Variants in AGBL1 observed in about 807,000 individuals in gnomAD.
The protein encoded by AGBL1 is AGBL carboxypeptidase 1.
AGBL1 carries 130 observed loss-of-function variants against 118.9 expected under a neutral mutation model. The observed-to-expected ratio is 1.09, with a 90% CI of 0.95 to 1.26. The LOEUF is 1.26. AGBL1 is among the 50% of genes most tolerant of loss of function. AGBL1 has a pLI of 0.00. For synonymous variants in AGBL1, 555 were observed against 478.9 expected, an observed-to-expected ratio of 1.16 and a Z score of -2.08; for missense variants, 1,584 against 1,298.1, an observed-to-expected ratio of 1.22 and a Z score of -3.38.
chr15:86,886,598 C>A (rs542744534), intron 22 of AGBL1, among the ~76,000 whole-genome samples: 1 of 152,156 alleles, frequency 6.6e-6, no homozygotes, highest in Non-Finnish European at 1.5e-5. Flanking sequence ...TCTCTGGCTT[C>A]TAAGGGACCA....
At chr15:86,529,522 G>A (rs2083319017) in intron 19 of AGBL1, among the ~76,000 whole-genome samples, 1 of 133,042 alleles carries the variant, frequency 7.5e-6, no homozygotes, top group Non-Finnish European at 1.5e-5. Flanking sequence ...GAACCAAATT[G>A]GAAAACACTC....
chr15:86,208,948 C>T (rs1040192013), intron 5 of AGBL1, among the ~76,000 whole-genome samples: 1 of 152,184 alleles, frequency 6.6e-6, no homozygotes, highest in African/African-American at 2.4e-5. Context: ...CTCTTGTGGG[C>T]ATTTAGTGCT....
intron 1 of AGBL1, among the ~76,000 whole-genome samples, chr15:86,117,055 T>C (rs1897810433): frequency 6.6e-6 from 1 of 152,002 alleles, no homozygotes; most frequent in Admixed American, 6.6e-5. Flanking sequence ...CCTGTGTGAT[T>C]GTATTCATTA....
Position 86,262,804 on chromosome 15 carries a change from C to G in AGBL1, c.996C>G (p.Asn332Lys). The G allele has an allele frequency of 6.2e-7, 1 of 1,609,508 alleles. No individual in the cohort carries two copies. The highest frequency in any genetic ancestry group is 1.1e-5 in the South Asian group (1 of 89,728). Residue 332 changes from asparagine to lysine, a missense_variant, in exon 10 of 23, where the codon AAC becomes AAG. By Grantham distance (94) the Asn-to-Lys change is moderately conservative. Transcript: ENST00000614907. Reference protein sequence around the residue: ...VEDDDLETDVNKLSSKPGLDR... With the variant: ...VEDDDLETDVKKLSSKPGLDR... ...ATGATGACTTGGAAACAGACGTGAACAAGCTGAGTTCCAAACCTGGTCTTG... is the reference window on the plus strand; with the variant it reads ...ATGATGACTTGGAAACAGACGTGAAGAAGCTGAGTTCCAAACCTGGTCTTG...
rs143671524 is a variant in AGBL1 at position 86,139,989 on chromosome 15, G to A, written c.52-2015G>A. 7.4e-5 allele frequency: 12 copies of A among 162,232 alleles called. No individual in the cohort carries two copies. In the East Asian group the frequency reaches 2.0e-3, roughly 27 times the overall value. 10.0% of individuals were successfully genotyped at this position (162,232 alleles called of 1,614,324 possible). On this transcript the variant is annotated intron_variant, in intron 1 of 22. Coordinates refer to ENST00000614907, the MANE Select transcript of AGBL1 (RefSeq NM_001386094.1). ...TGGGGACAATCTCCTCCACCTTCAT[G>A]ATCTAAATGGGTGGGCGGGACATGA...
chr15:86,533,407 A>C (rs2083377572), intron 19 of AGBL1, among the ~76,000 whole-genome samples: 1 of 105,636 alleles, frequency 9.5e-6, no homozygotes, highest in African/African-American at 4.7e-5. Flanking sequence ...CAAAACCACT[A>C]TGAGATACCA....
At chr15:86,223,580 T>A (rs1028883696) in intron 5 of AGBL1, among the ~76,000 whole-genome samples, 2 of 152,298 alleles carry the variant, frequency 1.3e-5, no homozygotes, top group African/African-American at 2.4e-5. Context: ...TGAAAGTTGA[T>A]AAGAGGAAAA....
At chr15:86,203,944 AC>A (rs1386029557) in intron 5 of AGBL1, among the ~76,000 whole-genome samples, 7 of 152,356 alleles carry the variant, frequency 4.6e-5, no homozygotes, top group African/African-American at 1.7e-4. Flanking sequence ...GGAAAAAGCA[AC>A]AAAACTGAAA....
chr15:86,828,396 C>T (rs1237759480), intron 22 of AGBL1, among the ~76,000 whole-genome samples: 3 of 145,546 alleles, frequency 2.1e-5, no homozygotes, highest in Admixed American at 6.8e-5. Context: ...AGTGTAGAAT[C>T]TCGAGATGGG....
chr15:86,357,348 T>G (rs996300944), intron 17 of AGBL1, among the ~76,000 whole-genome samples: 2 of 152,214 alleles, frequency 1.3e-5, no homozygotes, highest in Non-Finnish European at 2.9e-5. Context: ...CAAAACTGAA[T>G]GATCATTTGC....
intron 3 of AGBL1, among the ~76,000 whole-genome samples, chr15:86,154,222 A>G (rs1336322338): frequency 6.6e-6 from 1 of 152,230 alleles, no homozygotes; most frequent in Non-Finnish European, 1.5e-5. Flanking sequence ...ACAAGCTTCC[A>G]TGTAAATATG....
intron 5 of AGBL1, among the ~76,000 whole-genome samples, chr15:86,208,054 C>T (rs1419626063): frequency 3.3e-5 from 5 of 151,840 alleles, no homozygotes; most frequent in Non-Finnish European, 7.4e-5. Flanking sequence ...TGTTGAAGGC[C>T]TTTTCTGCAA....
At chr15:86,226,450 A>T (rs1293779379) in intron 6 of AGBL1, among the ~76,000 whole-genome samples, 3 of 152,208 alleles carry the variant, frequency 2.0e-5, no homozygotes, top group Non-Finnish European at 4.4e-5. Context: ...AAGGGAGCCC[A>T]GAGAGCTGAG....
chr15:86,982,571 T>A (rs931807601), intron 23 of AGBL1, among the ~76,000 whole-genome samples: 2 of 152,168 alleles, frequency 1.3e-5, no homozygotes, highest in Non-Finnish European at 2.9e-5. Context: ...CCTGCCTCTG[T>A]CATCCCTAAG....
At chr15:86,933,729 G>A (rs549169851) in intron 23 of AGBL1, among the ~76,000 whole-genome samples, 5 of 152,122 alleles carry the variant, frequency 3.3e-5, no homozygotes, top group Non-Finnish European at 7.3e-5. Flanking sequence ...CGTGTATCCG[G>A]TTCCTTCAAA....
At chr15:86,934,313 G>T (rs1191405095) in intron 23 of AGBL1, among the ~76,000 whole-genome samples, 4 of 152,144 alleles carry the variant, frequency 2.6e-5, no homozygotes, top group African/African-American at 9.7e-5. Context: ...TAAGTGTCCA[G>T]AAAGCTGTTA....
At chr15:86,778,476 C>T (rs1020399436) in intron 22 of AGBL1, among the ~76,000 whole-genome samples, 27 of 152,170 alleles carry the variant, frequency 1.8e-4, no homozygotes, top group Admixed American at 5.9e-4. Flanking sequence ...GGCCACCCCC[C>T]GAAGCGGCCA....
intron 3 of AGBL1, among the ~76,000 whole-genome samples, chr15:86,148,651 C>A (rs1259039935): frequency 6.6e-6 from 1 of 152,132 alleles, no homozygotes; most frequent in African/African-American, 2.4e-5. Flanking sequence ...CTACATTTGA[C>A]TGGTGTACCT....
chr15:86,981,858 A>G (rs1046164846), intron 23 of AGBL1, among the ~76,000 whole-genome samples: 3 of 152,190 alleles, frequency 2.0e-5, no homozygotes, highest in African/African-American at 7.2e-5. Flanking sequence ...TGATTATGGC[A>G]CAAGAGGCAC....
Sources: allele counts gnomAD v4.1 joint callset (sites outside exome capture counted in the v4.1 genomes callset), GRCh38; gene constraint gnomAD v4.1.1; transcripts MANE v1.5; gene names NCBI Gene and HGNC (gene_info 2026-07-23, HGNC 2026-07-21).